TRHDE: variants seen among roughly 807,000 people sequenced by gnomAD.
TRHDE encodes thyrotropin releasing hormone degrading enzyme.
Under a neutral mutation model 125.7 loss-of-function variants are expected in TRHDE, and 72 were observed. That is an observed-to-expected ratio of 0.57 (90% CI 0.47 to 0.70). The LOEUF (loss-of-function observed/expected upper bound fraction) is 0.70. Ranked by LOEUF, TRHDE falls within the 30% of genes least tolerant of loss-of-function variation. The pLI, the probability that TRHDE is intolerant of heterozygous loss-of-function variation, is 0.00. For synonymous variants in TRHDE, 509 were observed against 509.1 expected (o/e 1.00, Z 0.00); for missense variants, 1,110 against 1,327.1 (o/e 0.84, Z 2.54).
At chr12:72,283,718 G>T (rs746288929) in intron 1 of TRHDE, among the ~76,000 whole-genome samples, 1 of 151,828 alleles carries the variant, frequency 6.6e-6, no homozygotes, top group Non-Finnish European at 1.5e-5. Flanking sequence ...TTAGCCCAGA[G>T]GTATTTACAT....
At chr12:72,397,999 A>C (rs1329834183) in intron 3 of TRHDE, among the ~76,000 whole-genome samples, 1 of 124,548 alleles carries the variant, frequency 8.0e-6, no homozygotes, top group Non-Finnish European at 1.7e-5. Context: ...CAACCCCACA[A>C]CAGTCCCCAG....
chr12:72,332,028 G>A (rs1869621329), intron 2 of TRHDE, among the ~76,000 whole-genome samples: 1 of 152,180 alleles, frequency 6.6e-6, no homozygotes, highest in African/African-American at 2.4e-5. Context: ...ATTGGCACCT[G>A]CTTCTGATGA....
chr12:72,283,540 A>T (rs1879771271), intron 1 of TRHDE, among the ~76,000 whole-genome samples: 1 of 152,162 alleles, frequency 6.6e-6, no homozygotes, highest in Non-Finnish European at 1.5e-5. Flanking sequence ...TTCATTAAGA[A>T]TATTAATTGC....
intron 3 of TRHDE, among the ~76,000 whole-genome samples, chr12:72,439,680 T>A (rs2135853771): frequency 1.3e-5 from 2 of 152,100 alleles, no homozygotes; most frequent in East Asian, 3.9e-4. Flanking sequence ...TATGATCATA[T>A]CATCTGCAAA....
chr12:72,462,719 G>A (rs1592463316), intron 3 of TRHDE, among the ~76,000 whole-genome samples: 3 of 152,118 alleles, frequency 2.0e-5, no homozygotes, highest in Admixed American at 1.3e-4. Context: ...TTGATCAAAT[G>A]TATTCTGCCT....
chr12:72,178,772 T>C (rs1877039920), intron 2 of TRHDE, among the ~76,000 whole-genome samples: 6 of 152,138 alleles, frequency 3.9e-5, no homozygotes. Context: ...CAAGATATTA[T>C]AATGTATTTG....
chr12:72,459,715 G>A (rs373888765), intron 3 of TRHDE, among the ~76,000 whole-genome samples: 1 of 152,034 alleles, frequency 6.6e-6, no homozygotes, highest in African/African-American at 2.4e-5. Flanking sequence ...GACCTCCTGG[G>A]CTCAAGCAAT....
At chr12:72,096,471 C>G (rs1268240898) in intron 1 of TRHDE, among the ~76,000 whole-genome samples, 2 of 152,214 alleles carry the variant, frequency 1.3e-5, no homozygotes, top group Non-Finnish European at 1.5e-5. Context: ...TTATCAAATT[C>G]TGAGACCAGT....
At chr12:72,586,544 A>T (rs1871447021) in intron 12 of TRHDE, among the ~76,000 whole-genome samples, 1 of 152,190 alleles carries the variant, frequency 6.6e-6, no homozygotes, top group African/African-American at 2.4e-5. Flanking sequence ...AATGTTAAAG[A>T]TGTGAGTACA....
intron 6 of TRHDE, among the ~76,000 whole-genome samples, chr12:72,519,618 T>C (rs1369680123): frequency 6.6e-6 from 1 of 152,242 alleles, no homozygotes; most frequent in Admixed American, 6.5e-5. Flanking sequence ...AGTAATTTGA[T>C]CATCTGAAGC....
At chr12:72,372,408 T>C (rs1278688487) in intron 2 of TRHDE, among the ~76,000 whole-genome samples, 1 of 152,208 alleles carries the variant, frequency 6.6e-6, no homozygotes, top group Admixed American at 6.5e-5. Context: ...ATCCCATTTG[T>C]CAATTTTGGC....
At chr12:72,619,505 G>A (rs184730751) in intron 13 of TRHDE, among the ~76,000 whole-genome samples, 14 of 152,236 alleles carry the variant, frequency 9.2e-5, no homozygotes, top group Admixed American at 9.2e-4. Context: ...AAGCCCATTC[G>A]TAATTGGGTC....
intron 15 of TRHDE, among the ~76,000 whole-genome samples, chr12:72,628,473 G>A (rs1190598166): frequency 2.6e-5 from 4 of 151,834 alleles, no homozygotes; most frequent in Non-Finnish European, 5.9e-5. Flanking sequence ...TGATTGGGCA[G>A]AATCCGTACT....
chr12:72,152,445 T>G (rs1199366242), intron 2 of TRHDE, among the ~76,000 whole-genome samples: 2 of 151,880 alleles, frequency 1.3e-5, no homozygotes, highest in African/African-American at 2.4e-5. Flanking sequence ...TGAATAGGAG[T>G]GGTGAAAGAG....
chr12:72,262,149 C>A (rs1209428864), intron 2 of TRHDE, among the ~76,000 whole-genome samples: 1 of 152,152 alleles, frequency 6.6e-6, no homozygotes. Context: ...ACAATTCGTT[C>A]TCTTGTTTTA....
intron 2 of TRHDE, among the ~76,000 whole-genome samples, chr12:72,295,167 G>T (rs1880244199): frequency 1.3e-5 from 2 of 150,648 alleles, no homozygotes; most frequent in Non-Finnish European, 1.5e-5. Flanking sequence ...GGGTGGGAGG[G>T]GTTGCAGACG....
rs751121123 is a variant in TRHDE, at chr12:72,562,957, A to G, written c.1959A>G (p.Ala653=). The part of the protein sequence containing the change: ...PVITILGNTT[A]ENRIIITQQH... ...TCACCATCTTGGGAAACACAACAGC[A>G]GAAAATAGAATAATAATTACCCAAC... Residue 653 remains alanine, a synonymous_variant, in exon 9 of 19, where the codon GCA becomes GCG. Transcript: ENST00000261180. The G allele has an allele frequency of 3.7e-6, 6 of 1,611,088 alleles. No individual in the cohort carries two copies. The highest frequency in any genetic ancestry group is 1.1e-5 in the South Asian group (1 of 90,774).
chr12:72,210,355 C>T (rs2139361357), intron 2 of TRHDE, among the ~76,000 whole-genome samples: 1 of 152,250 alleles, frequency 6.6e-6, no homozygotes, highest in East Asian at 1.9e-4. Flanking sequence ...TTCCCTTGTG[C>T]ATCATCTATG....
At chr12:72,211,634 G>C (rs1245477005) in intron 2 of TRHDE, among the ~76,000 whole-genome samples, 1 of 152,002 alleles carries the variant, frequency 6.6e-6, no homozygotes, top group Admixed American at 6.6e-5. Flanking sequence ...ATTATGACAG[G>C]CCCCGGGGAC....
Sources: gnomAD v4.1 joint callset for allele counts (sites outside exome capture counted in the v4.1 genomes callset) on GRCh38, gnomAD v4.1.1 for gene constraint, MANE v1.5 for transcripts, NCBI Gene and HGNC (gene_info 2026-07-23, HGNC 2026-07-21) for gene names.